SNTG1: variants seen among roughly 807,000 people sequenced by gnomAD.
SNTG1 encodes the protein syntrophin gamma 1.
Under a neutral mutation model 74.7 loss-of-function variants are expected in SNTG1, and 39 were observed. The ratio of observed to expected loss-of-function variants is 0.52; its 90% CI spans 0.40 to 0.68. The LOEUF (loss-of-function observed/expected upper bound fraction) is 0.68, where lower values mean the gene tolerates loss of function less well. Ranked by LOEUF, SNTG1 falls within the 30% of genes least tolerant of loss-of-function variation. The pLI, the probability that SNTG1 is intolerant of heterozygous loss-of-function variation, is 0.00. For synonymous variants in SNTG1, 254 were observed against 217.1 expected, an observed-to-expected ratio of 1.17 and a Z score of -1.49; for missense variants, 685 against 609.5, an observed-to-expected ratio of 1.12 and a Z score of -1.30.
chr8:50,427,943 A>G (rs1366732363), intron 4 of SNTG1, among the ~76,000 whole-genome samples: 2 of 152,184 alleles, frequency 1.3e-5, no homozygotes, highest in African/African-American at 4.8e-5. Context: ...AGTTAGAGAA[A>G]CAGTAGATTA....
At chr8:50,776,664 A>T (rs1018237052) in intron 18 of SNTG1, among the ~76,000 whole-genome samples, 14 of 151,572 alleles carry the variant, frequency 9.2e-5, no homozygotes, top group Non-Finnish European at 1.5e-4. Context: ...AAAATATTTA[A>T]GGATCACTTT....
chr8:50,368,251 T>C (rs904501322), intron 2 of SNTG1, among the ~76,000 whole-genome samples: 2 of 152,248 alleles, frequency 1.3e-5, no homozygotes, highest in African/African-American at 4.8e-5. Flanking sequence ...TGCATTTTGT[T>C]CCAATGTTTT....
intron 1 of SNTG1, among the ~76,000 whole-genome samples, chr8:50,057,490 A>G (rs546931944): frequency 6.6e-6 from 1 of 152,162 alleles, no homozygotes; most frequent in South Asian, 2.1e-4. Context: ...TAGGCTGTAA[A>G]ATGAAAGAGA....
intron 2 of SNTG1, among the ~76,000 whole-genome samples, chr8:50,288,156 T>C (rs187742194): frequency 9.8e-5 from 15 of 152,308 alleles, no homozygotes; most frequent in Non-Finnish European, 2.1e-4. Context: ...ATGGCATTGA[T>C]TGAGGAAGCA....
intron 1 of SNTG1, among the ~76,000 whole-genome samples, chr8:49,984,114 C>T (rs1362659336): frequency 6.6e-6 from 1 of 152,092 alleles, no homozygotes; most frequent in Non-Finnish European, 1.5e-5. Flanking sequence ...CATTATAGTT[C>T]ATGTTGTGAG....
chr8:50,224,364 T>G (rs1163840082), intron 2 of SNTG1, among the ~76,000 whole-genome samples: 2 of 152,144 alleles, frequency 1.3e-5, no homozygotes, highest in East Asian at 3.9e-4. Flanking sequence ...GCTTTGTAGA[T>G]CCCACAGATC....
intron 9 of SNTG1, among the ~76,000 whole-genome samples, chr8:50,509,513 G>C (rs2129889544): frequency 6.6e-6 from 1 of 152,222 alleles, no homozygotes; most frequent in South Asian, 2.1e-4. Flanking sequence ...GGGCAGTATG[G>C]CCATTTTCAC....
At position 50,010,197 on chromosome 8, in the gene SNTG1, AT is replaced by A. The variant is rs1433790882; in HGVS notation, c.-103+97967del. On this transcript the variant is annotated intron_variant, in intron 1 of 18. Coordinates refer to ENST00000642720, the MANE Select transcript of SNTG1 (RefSeq NM_018967.5). Reference sequence around the variant, plus strand: ...ACTAGTTTGGGATTGTGTCCACTCAATATCAACATCTAATAATAATTGTGTT... The same window carrying A: ...ACTAGTTTGGGATTGTGTCCACTCAAATCAACATCTAATAATAATTGTGTT... 7.9e-5 allele frequency among the ~76,000 whole-genome samples: 12 copies of A among 152,228 alleles called. No homozygotes were observed. The East Asian group carries it at 2.3e-3, about 29-fold the overall frequency.
chr8:50,390,169 C>G (rs1021119139), intron 2 of SNTG1, among the ~76,000 whole-genome samples: 1 of 151,656 alleles, frequency 6.6e-6, no homozygotes, highest in African/African-American at 2.4e-5. Flanking sequence ...ATGCCTATGT[C>G]CTGAATGGTA....
rs868847312 is a variant in SNTG1, at chr8:50,024,202, C to A, written c.-103+111971C>A. Among the ~76,000 whole-genome samples, 9 of 152,100 alleles carry A rather than the reference C, an allele frequency of 5.9e-5. No homozygotes were observed. In the South Asian group the frequency reaches 1.9e-3, roughly 31 times the overall value. On this transcript the variant is annotated intron_variant, in intron 1 of 18. Transcript: ENST00000642720. ...TCCCAACTATTAAGAGAAACCTTATCATGGAATCAGTTTGGAATTTAAGTA... is the reference window on the plus strand; with the variant it reads ...TCCCAACTATTAAGAGAAACCTTATAATGGAATCAGTTTGGAATTTAAGTA...
At chr8:50,469,204 C>T (rs1488618569) in intron 8 of SNTG1, among the ~76,000 whole-genome samples, 3 of 152,002 alleles carry the variant, frequency 2.0e-5, no homozygotes, top group Admixed American at 6.6e-5. Flanking sequence ...TATTGTTTGC[C>T]GGATTAAGTG....
chr8:50,502,249 A>T (rs763811163), intron 8 of SNTG1, among the ~76,000 whole-genome samples: 1 of 152,202 alleles, frequency 6.6e-6, no homozygotes, highest in Non-Finnish European at 1.5e-5. Flanking sequence ...CAAGAGGATT[A>T]GAGTGAATTG....
chr8:50,757,360 A>G (rs1585719103), intron 18 of SNTG1, among the ~76,000 whole-genome samples: 1 of 151,792 alleles, frequency 6.6e-6, no homozygotes, highest in Non-Finnish European at 1.5e-5. Flanking sequence ...TGTATGCTCT[A>G]TTATCAGGTG....
chr8:50,456,637 T>C (rs2093508566), intron 8 of SNTG1, among the ~76,000 whole-genome samples: 1 of 152,098 alleles, frequency 6.6e-6, no homozygotes, highest in Non-Finnish European at 1.5e-5. Context: ...TTTAATAACT[T>C]CCCAAAAGAC....
intron 13 of SNTG1, among the ~76,000 whole-genome samples, chr8:50,599,819 T>C (rs944415060): frequency 6.6e-6 from 1 of 152,152 alleles, no homozygotes; most frequent in Non-Finnish European, 1.5e-5. Context: ...CTTTGATTGC[T>C]CTAGCTAGGA....
At chr8:50,151,310 T>G (rs182556332) in intron 1 of SNTG1, among the ~76,000 whole-genome samples, 220 of 152,310 alleles carry the variant, frequency 1.4e-3, no homozygotes, top group African/African-American at 4.8e-3. Context: ...CATTTATTCT[T>G]TATTAGTCTT....
At chr8:50,411,555 T>C (rs768671836) in intron 4 of SNTG1, among the ~76,000 whole-genome samples, 3 of 151,828 alleles carry the variant, frequency 2.0e-5, no homozygotes, top group Non-Finnish European at 4.4e-5. Context: ...GATGGGCAAG[T>C]ACTGTTTAGA....
chr8:50,183,984 T>C (rs972976269), intron 2 of SNTG1, among the ~76,000 whole-genome samples: 1 of 152,162 alleles, frequency 6.6e-6, no homozygotes, highest in Non-Finnish European at 1.5e-5. Flanking sequence ...ATGAAGGAAA[T>C]GTATATGCTC....
chr8:50,536,623 A>G (rs567864745), intron 10 of SNTG1, 55 bp from the exon 11 acceptor site: 1 of 1,586,002 alleles, frequency 6.3e-7, no homozygotes, highest in African/African-American at 1.3e-5. Context: ...TTTGAGATAC[A>G]GAAACTCAAA....
Sources: gnomAD v4.1 joint callset for allele counts (sites outside exome capture counted in the v4.1 genomes callset) on GRCh38, gnomAD v4.1.1 for gene constraint, MANE v1.5 for transcripts, NCBI Gene and HGNC (gene_info 2026-07-23, HGNC 2026-07-21) for gene names.